IGSF11: variants seen among roughly 807,000 people sequenced by gnomAD.
The protein encoded by IGSF11 is CXADR like 1.
A neutral mutation model predicts 41.0 loss-of-function variants in IGSF11; 22 were observed. That is an observed-to-expected ratio of 0.54 (90% CI 0.38 to 0.77). IGSF11 has a LOEUF of 0.77. Ranked by LOEUF, IGSF11 falls within the 30% of genes least tolerant of loss-of-function variation. IGSF11 has a pLI of 0.00. For synonymous variants in IGSF11, 219 were observed against 201.3 expected (o/e 1.09, Z -0.74); for missense variants, 444 against 530.8 (o/e 0.84, Z 1.61).
chr3:119,124,441 A>G (rs571664850), intron 1 of IGSF11, among the ~76,000 whole-genome samples: 3 of 150,864 alleles, frequency 2.0e-5, no homozygotes, highest in African/African-American at 4.9e-5. Flanking sequence ...TCATTTTCAT[A>G]TTTTTAGTAG....
intron 1 of IGSF11, among the ~76,000 whole-genome samples, chr3:118,970,450 G>T (rs1191463756): frequency 1.3e-5 from 2 of 152,086 alleles, no homozygotes; most frequent in East Asian, 3.9e-4. Context: ...GGAAAAACTG[G>T]CATGAATGTT....
intron 1 of IGSF11, among the ~76,000 whole-genome samples, chr3:118,977,028 A>G (rs933073410): frequency 1.3e-5 from 2 of 152,186 alleles, no homozygotes; most frequent in Non-Finnish European, 2.9e-5. Context: ...ATGGAAATTG[A>G]TATGTGAAAA....
rs76229927 is a variant in IGSF11, at chr3:119,100,414, G to C, written c.49+4730C>G. ...ATAAGAGAATAAAGAAGTCCCTGAG[G>C]CTTTGAGTCTAGGCAGGTAGAAATA... On this transcript the variant is annotated intron_variant, in intron 1 of 6. Transcript: ENST00000354673. 3.9e-4 allele frequency among the ~76,000 whole-genome samples: 59 copies of C among 152,298 alleles called. 1 individual carries two copies. In the East Asian group the frequency reaches 0.011, roughly 29 times the overall value.
intron 1 of IGSF11, among the ~76,000 whole-genome samples, chr3:119,056,156 C>T (rs190415929): frequency 7.3e-5 from 11 of 151,640 alleles, no homozygotes; most frequent in Non-Finnish European, 1.3e-4. Context: ...ACAAAAAAAA[C>T]CCTTCAAAAA....
At chr3:118,999,548 A>C (rs1936604103) in intron 1 of IGSF11, among the ~76,000 whole-genome samples, 1 of 152,200 alleles carries the variant, frequency 6.6e-6, no homozygotes, top group Non-Finnish European at 1.5e-5. Context: ...GGACTACAGG[A>C]AAAAGGCAGC....
Position 119,094,223 on chromosome 3 carries a change from T to TAAAAAAAAAAAAAAAAAAAAAA in IGSF11, c.49+10899_49+10920dup, listed in dbSNP as rs1175348778. 4.3e-4 allele frequency among the ~76,000 whole-genome samples: 15 copies of TAAAAAAAAAAAAAAAAAAAAAA among 35,072 alleles called. 3 individuals are homozygous for TAAAAAAAAAAAAAAAAAAAAAA. Among genetic ancestry groups the TAAAAAAAAAAAAAAAAAAAAAA allele is most frequent in the East Asian group, 2.6e-3 (2 of 760 alleles). The allele number at this position is 35,072 out of a possible 152,430, so 23.0% of individuals were successfully genotyped here. A position where few individuals can be genotyped will look rare whatever the true frequency, so the allele number is the denominator to read the frequency against. On this transcript the variant is annotated intron_variant, in intron 1 of 6. Transcript: ENST00000354673. ...TGGAAAGAAGGACTACATAGCGAAG[T>TAAAAAAAAAAAAAAAAAAAAAA]AAAAAAAAAAAAAAAAAAAAAAAAA...
chr3:118,911,000 T>A (rs1326702487), intron 4 of IGSF11, among the ~76,000 whole-genome samples: 2 of 152,142 alleles, frequency 1.3e-5, no homozygotes, highest in African/African-American at 4.8e-5. Flanking sequence ...TCTCTTTATA[T>A]CTGTCTCCTC....
chr3:119,065,946 G>A (rs1942220462), intron 1 of IGSF11, among the ~76,000 whole-genome samples: 1 of 151,996 alleles, frequency 6.6e-6, no homozygotes. Context: ...TCAGGGGAGG[G>A]CTGTTTTTTA....
At chr3:119,098,089 C>T (rs2076884546) in intron 1 of IGSF11, among the ~76,000 whole-genome samples, 1 of 150,850 alleles carries the variant, frequency 6.6e-6, no homozygotes, top group South Asian at 2.1e-4. Context: ...TGTGAGCCAC[C>T]GCACCGAGCC....
chr3:119,046,254 TAGA>T (rs1276326093), intron 1 of IGSF11, among the ~76,000 whole-genome samples: 1 of 148,708 alleles, frequency 6.7e-6, no homozygotes, highest in Non-Finnish European at 1.5e-5. Context: ...GAAAAAAATT[TAGA>T]AGAATGTATA....
rs116133852 is a variant in IGSF11 at position 119,042,668 on chromosome 3, T to C, written c.49+62476A>G. Among the ~76,000 whole-genome samples, 396 of 152,286 alleles carry C rather than the reference T, an allele frequency of 2.6e-3. 3 individuals carry two copies. Among genetic ancestry groups the C allele is most frequent in the African/African-American group, 9.3e-3 (385 of 41,576 alleles). On this transcript the variant is annotated intron_variant, in intron 1 of 6. Transcript: ENST00000354673. ...CCTGCCTAACAGTGCCCACACCTGA[T>C]GGTTTTTCTCTACTCACTCTGGTAG...
At chr3:118,955,854 A>C (rs1944915902) in intron 1 of IGSF11, among the ~76,000 whole-genome samples, 1 of 152,120 alleles carries the variant, frequency 6.6e-6, no homozygotes, top group Non-Finnish European at 1.5e-5. Context: ...CTGTCCTTTG[A>C]ACCTTTGGAT....
At chr3:118,908,119 G>A (rs1939839224) in intron 4 of IGSF11, among the ~76,000 whole-genome samples, 1 of 152,084 alleles carries the variant, frequency 6.6e-6, no homozygotes, top group African/African-American at 2.4e-5. Context: ...ACACCAAACT[G>A]GTAATTTTGT....
intron 1 of IGSF11, among the ~76,000 whole-genome samples, chr3:119,143,423 A>G (rs1177042630): frequency 6.6e-6 from 1 of 152,172 alleles, no homozygotes; most frequent in Non-Finnish European, 1.5e-5. Context: ...TAAGTTTAGG[A>G]GGCCAATTGT....
At chr3:119,030,404 G>A (rs957281837) in intron 1 of IGSF11, among the ~76,000 whole-genome samples, 1 of 152,042 alleles carries the variant, frequency 6.6e-6, no homozygotes, top group East Asian at 1.9e-4. Flanking sequence ...TCTATTATTT[G>A]CAAATTGGAA....
intron 1 of IGSF11, among the ~76,000 whole-genome samples, chr3:118,963,969 C>T (rs182932634): frequency 1.3e-5 from 2 of 152,234 alleles, no homozygotes; most frequent in Admixed American, 1.3e-4. Flanking sequence ...TGATCTCTGT[C>T]TAAGCAATGT....
intron 1 of IGSF11, among the ~76,000 whole-genome samples, chr3:118,999,533 C>A (rs1349606001): frequency 6.6e-6 from 1 of 152,136 alleles, no homozygotes; most frequent in Non-Finnish European, 1.5e-5. Flanking sequence ...TTCCTTCACT[C>A]TTCAGGACTA....
intron 1 of IGSF11, among the ~76,000 whole-genome samples, chr3:119,007,612 C>G (rs551356839): frequency 6.3e-4 from 96 of 152,224 alleles, no homozygotes; most frequent in Middle Eastern, 6.8e-3. Flanking sequence ...AGAGTATCCA[C>G]TTTTTCACCT....
chr3:118,915,799 A>T (rs1941011450), intron 4 of IGSF11, among the ~76,000 whole-genome samples: 1 of 43,440 alleles, frequency 2.3e-5, no homozygotes, highest in Non-Finnish European at 3.6e-5. Flanking sequence ...CAAGACACAT[A>T]ATTGTCAGAT....
Sources: allele counts gnomAD v4.1 joint callset (sites outside exome capture counted in the v4.1 genomes callset), GRCh38; gene constraint gnomAD v4.1.1; transcripts MANE v1.5; gene names NCBI Gene and HGNC (gene_info 2026-07-23, HGNC 2026-07-21).